Variants in ATF7IP observed in about 807,000 individuals in gnomAD.
ATF7IP encodes the protein activating transcription factor 7 interacting protein.
ATF7IP carries 23 observed loss-of-function variants against 106.4 expected under a neutral mutation model. The observed-to-expected ratio is 0.22, with a 90% CI of 0.16 to 0.31. ATF7IP has a LOEUF of 0.31. ATF7IP is among the 10% of genes least tolerant of loss of function. The pLI is 1.00. For missense variants in ATF7IP, 1,334 were observed against 1,524.3 expected, an observed-to-expected ratio of 0.88 and a Z score of 2.08; for synonymous variants, 542 against 539.0, an observed-to-expected ratio of 1.01 and a Z score of -0.08.
At chr12:14,368,102 A>T (rs1384293549) in intron 1 of ATF7IP, among the ~76,000 whole-genome samples, 1 of 152,110 alleles carries the variant, frequency 6.6e-6, no homozygotes, top group African/African-American at 2.4e-5. Flanking sequence ...ATATGTGATA[A>T]ATGTATTTAA....
At chr12:14,494,333 A>ATATATATATATATATATGTG (rs1234871100) in intron 13 of ATF7IP, among the ~76,000 whole-genome samples, 1 of 86,038 alleles carries the variant, frequency 1.2e-5, no homozygotes, top group African/African-American at 4.5e-5. Flanking sequence ...ATATATATAT[A>ATATATATATATATATATGTG]TGTGTGTGTG....
At chr12:14,496,382 T>C in intron 14 of ATF7IP, 39 bp downstream of exon 14, 1 of 1,331,002 alleles carries the variant, frequency 7.5e-7, no homozygotes, top group African/African-American at 1.4e-5. Context: ...TTCTCAACTG[T>C]AGAGGTATAA....
At chr12:14,417,290 G>C (rs1248630929) in intron 1 of ATF7IP, among the ~76,000 whole-genome samples, 2 of 152,132 alleles carry the variant, frequency 1.3e-5, no homozygotes, top group Admixed American at 6.5e-5. Context: ...ACTTAATATA[G>C]GTTGTCCAGA....
chr12:14,463,463 T>G (rs1943714927), intron 9 of ATF7IP, among the ~76,000 whole-genome samples: 1 of 152,226 alleles, frequency 6.6e-6, no homozygotes, highest in Non-Finnish European at 1.5e-5. Context: ...ATAGTCACTA[T>G]GATCTCACCA....
Position 14,456,646 on chromosome 12 carries a change from T to C in ATF7IP, c.2069+12T>C. ...AACATGTCTTACAGGTGAGAATTCA[T>C]AGTCTGTCTAGTTTTTAAAAACAGA... On this transcript the variant is annotated intron_variant, in intron 7 of 14. Coordinates refer to ENST00000261168, the MANE Select transcript of ATF7IP (RefSeq NM_018179.5). 6.4e-7 allele frequency: 1 copy of C among 1,571,902 alleles called. No homozygotes were observed. Among genetic ancestry groups the C allele is most frequent in the Non-Finnish European group, 8.7e-7 (1 of 1,144,840 alleles).
intron 1 of ATF7IP, among the ~76,000 whole-genome samples, chr12:14,423,556 T>TCTCATTTTCTTC (rs1398574102): frequency 1.0e-4 from 15 of 149,334 alleles, no homozygotes; most frequent in Non-Finnish European, 2.1e-4. Context: ...TATTTTTCTT[T>TCTCATTTTCTTC]CTCATTTTCT....
intron 7 of ATF7IP, 133 bp from the exon 8 acceptor site, chr12:14,457,073 CT>C: frequency 2.8e-6 from 2 of 709,844 alleles, no homozygotes; most frequent in Admixed American, 3.0e-5. Flanking sequence ...ACTGTTTTTG[CT>C]TGCAGTTTAG....
Position 14,423,977 on chromosome 12 carries a change from G to A in ATF7IP, c.62G>A (p.Ser21Asn). The A allele has an allele frequency of 1.2e-6, 2 of 1,614,048 alleles. No homozygotes were observed. The highest frequency in any genetic ancestry group is 1.7e-6 in the Non-Finnish European group (2 of 1,179,988). Residue 21 changes from serine to asparagine, a missense_variant, in exon 2 of 15, where the codon AGT (serine) becomes AAT (asparagine). This residue lies in a region of ATF7IP where 74 missense variants were observed against 101.9 expected (regional missense o/e 0.73). Transcript: ENST00000261168. ...AAGGCTCGAAAAACGATGAGAGTGA[G>A]TGATCGTCAGCAACTTGAAGCAGTG... ...VFKARKTMRVSDRQQLEAVYK... is the reference protein window; with the variant it reads ...VFKARKTMRVNDRQQLEAVYK...
Position 14,424,717 on chromosome 12 carries a change from G to A in ATF7IP, c.802G>A (p.Asp268Asn), listed in dbSNP as rs1322405631. ...DLSSSELASD[D>N]LATGELASDE... ...ATCCTCTAGTGAACTGGCCTCTGAT[G>A]ATCTGGCCACTGGTGAACTGGCCTC... The change falls in exon 2 of 15, where the codon GAT (aspartate) becomes AAT (asparagine). Residue 268 changes from aspartate (D) to asparagine (N), a missense_variant. Transcript: ENST00000261168. 4 of 1,614,130 alleles carry A rather than the reference G, an allele frequency of 2.5e-6. No individual in the cohort carries two copies. The highest frequency in any genetic ancestry group is 3.3e-5 in the Admixed American group (2 of 60,016).
chr12:14,456,819 CTTA>C lies in ATF7IP; in HGVS notation c.2069+190_2069+192del, dbSNP rs566281563. On this transcript the variant is annotated intron_variant, in intron 7 of 14. Coordinates refer to ENST00000261168, the MANE Select transcript of ATF7IP (RefSeq NM_018179.5). ...CATCTGTGAATAATACTTTTGCTAA[CTTA>C]TTATAAGGCATTCTTTGGTCACTAT... is the stretch of plus-strand genomic sequence containing the variant. Among the ~76,000 whole-genome samples, 207 of 152,246 alleles carry C rather than the reference CTTA, an allele frequency of 1.4e-3. 1 individual carries two copies. Among genetic ancestry groups the C allele is most frequent in the African/African-American group, 3.8e-3 (160 of 41,560 alleles).
At chr12:14,386,074 A>C (rs1340022414) in intron 1 of ATF7IP, among the ~76,000 whole-genome samples, 1 of 152,132 alleles carries the variant, frequency 6.6e-6, no homozygotes, top group Non-Finnish European at 1.5e-5. Context: ...AGTCATGGAT[A>C]CCTCTTTTTA....
intron 1 of ATF7IP, among the ~76,000 whole-genome samples, chr12:14,371,786 C>T (rs761726328): frequency 6.6e-6 from 1 of 151,898 alleles, no homozygotes; most frequent in Non-Finnish European, 1.5e-5. Flanking sequence ...GGGAAATGAG[C>T]GTGTGATTTA....
At chr12:14,482,910 T>A (rs1250315398) in intron 13 of ATF7IP, among the ~76,000 whole-genome samples, 1 of 152,186 alleles carries the variant, frequency 6.6e-6, no homozygotes, top group Non-Finnish European at 1.5e-5. Flanking sequence ...CCAAGCCAAA[T>A]ACTATTACAT....
chr12:14,475,371 T>C (rs1944222400), intron 10 of ATF7IP, among the ~76,000 whole-genome samples: 1 of 152,222 alleles, frequency 6.6e-6, no homozygotes, highest in South Asian at 2.1e-4. Flanking sequence ...CTTATAATCC[T>C]AATATTTCTC....
At chr12:14,399,840 ATT>A (rs1456848999) in intron 1 of ATF7IP, among the ~76,000 whole-genome samples, 1 of 152,058 alleles carries the variant, frequency 6.6e-6, no homozygotes, top group Non-Finnish European at 1.5e-5. Flanking sequence ...GAATGTATTC[ATT>A]TTTGTATTTG....
chr12:14,486,235 C>A (rs1429327802), intron 13 of ATF7IP, among the ~76,000 whole-genome samples: 1 of 151,928 alleles, frequency 6.6e-6, no homozygotes, highest in East Asian at 1.9e-4. Flanking sequence ...CCATAAGCCC[C>A]TGCTTTAACT....
At position 14,440,796 on chromosome 12, in the gene ATF7IP, G is replaced by C. The variant is rs530007362; in HGVS notation, c.1929+2529G>C. Among the ~76,000 whole-genome samples the C allele has an allele frequency of 9.2e-5, 14 of 152,188 alleles. No homozygotes were observed. In the South Asian group the frequency reaches 1.5e-3, roughly 16 times the overall value. On this transcript the variant is annotated intron_variant, in intron 5 of 14. Coordinates refer to ENST00000261168, the MANE Select transcript of ATF7IP (RefSeq NM_018179.5). Reference sequence around the variant, plus strand: ...TCTTTTCCTCTTACACTAGCCCTTGGCAACCACTAATCTGCTGTCTCTATC... The same window carrying C: ...TCTTTTCCTCTTACACTAGCCCTTGCCAACCACTAATCTGCTGTCTCTATC...
chr12:14,457,308 T>C lies in ATF7IP; in HGVS notation c.2158+13T>C. On this transcript the variant is annotated intron_variant, in intron 8 of 14. Coordinates refer to ENST00000261168, the MANE Select transcript of ATF7IP (RefSeq NM_018179.5). ...CCTGTGAATACAGGTAACTTTTTTT[T>C]TAAATACCAAAATACATTTTCTTAG... 1 of 1,559,666 alleles carries C rather than the reference T, an allele frequency of 6.4e-7. No homozygotes were observed. The highest frequency in any genetic ancestry group is 1.2e-5 in the South Asian group (1 of 86,122).
At chr12:14,438,085 C>A in intron 4 of ATF7IP, 45 bp from the exon 5 acceptor site, 1 of 1,584,064 alleles carries the variant, frequency 6.3e-7, no homozygotes, top group Non-Finnish European at 8.6e-7. Flanking sequence ...TTATTGCTTG[C>A]TGGAATGCCT....
Sources: allele counts gnomAD v4.1 joint callset (sites outside exome capture counted in the v4.1 genomes callset), GRCh38; gene constraint gnomAD v4.1.1; regional missense constraint gnomAD v4.1.1; transcripts MANE v1.5; gene names NCBI Gene and HGNC (gene_info 2026-07-23, HGNC 2026-07-21).